ATP13A4: variants seen among roughly 807,000 people sequenced by gnomAD.
ATP13A4 encodes the protein ATPase 13A4, also known as probable cation-transporting ATPase 13A4.
In ATP13A4, 114 loss-of-function variants were observed where a neutral mutation model predicts 142.5. The ratio of observed to expected loss-of-function variants is 0.80; its 90% CI spans 0.69 to 0.93. The LOEUF is 0.93. ATP13A4 is among the 40% of genes least tolerant of loss of function. The pLI is 0.00. For missense variants in ATP13A4, 1,392 were observed against 1,454.0 expected (o/e 0.96, Z 0.69); for synonymous variants, 488 against 514.8 (o/e 0.95, Z 0.70).
At chr3:193,479,767 TC>T (rs1719184551) in intron 8 of ATP13A4, among the ~76,000 whole-genome samples, 1 of 151,860 alleles carries the variant, frequency 6.6e-6, no homozygotes, top group Non-Finnish European at 1.5e-5. Context: ...GAAAAAATAA[TC>T]CTAAAATTCA....
At chr3:193,559,952 T>A (rs962974472), upstream of ATP13A4, among the ~76,000 whole-genome samples, 2 of 152,192 alleles carry the variant, frequency 1.3e-5, no homozygotes, top group African/African-American at 2.4e-5. Flanking sequence ...GGCAGAAGCT[T>A]CATGTCAGTG....
At chr3:193,412,977 C>T (rs1297605030) in intron 26 of ATP13A4, among the ~76,000 whole-genome samples, 1 of 152,136 alleles carries the variant, frequency 6.6e-6, no homozygotes, top group Non-Finnish European at 1.5e-5. Flanking sequence ...GAGCCTAGAA[C>T]ACACCACTGC....
At chr3:193,552,951 T>C (rs924256813) in intron 1 of ATP13A4, among the ~76,000 whole-genome samples, 2 of 152,228 alleles carry the variant, frequency 1.3e-5, no homozygotes, top group African/African-American at 4.8e-5. Flanking sequence ...AGCTTGATAA[T>C]TTTTAAAGTT....
At chr3:193,562,166 G>A (rs146677655) in intron 2 of ATP13A4, among the ~76,000 whole-genome samples, 153 of 152,188 alleles carry the variant, frequency 1.0e-3, no homozygotes, top group African/African-American at 3.2e-3. Flanking sequence ...CTCTGGTCCC[G>A]GAGAGCTACC....
chr3:193,494,851 C>A (rs1189828387), intron 3 of ATP13A4, among the ~76,000 whole-genome samples: 1 of 151,284 alleles, frequency 6.6e-6, no homozygotes, highest in Non-Finnish European at 1.5e-5. Context: ...ACAAAATTAA[C>A]AAATGTTTAG....
intron 2 of ATP13A4, among the ~76,000 whole-genome samples, chr3:193,581,331 C>G (rs1358281496): frequency 3.3e-5 from 5 of 151,988 alleles, no homozygotes; most frequent in African/African-American, 1.2e-4. Flanking sequence ...ATTAGACAAT[C>G]AACGAAAAAC....
At chr3:193,541,234 G>A (rs1275538402) in intron 1 of ATP13A4, among the ~76,000 whole-genome samples, 1 of 101,338 alleles carries the variant, frequency 9.9e-6, no homozygotes, top group Non-Finnish European at 2.3e-5. Flanking sequence ...GGGCGACAGA[G>A]CGAGACTCCT....
intron 25 of ATP13A4, among the ~76,000 whole-genome samples, chr3:193,422,511 C>A (rs1415759186): frequency 6.7e-6 from 1 of 149,628 alleles, no homozygotes; most frequent in Non-Finnish European, 1.5e-5. Context: ...TTTTAAAAAT[C>A]AATTATCATA....
At chr3:193,402,962 T>G in intron 29 of ATP13A4, 98 bp from the exon 30 acceptor site, 7 of 1,084,686 alleles carry the variant, frequency 6.5e-6, no homozygotes, top group Non-Finnish European at 4.1e-6. Flanking sequence ...CAATGGTTGC[T>G]TAGATCCAGC....
At position 193,467,351 on chromosome 3, in the gene ATP13A4, C is replaced by A. The variant is rs756116740; in HGVS notation, c.1079G>T (p.Cys360Phe). The change falls in exon 10 of 30, where the codon TGC becomes TTC. Residue 360 changes from cysteine to phenylalanine, a missense_variant. Physicochemically the swap from Cys to Phe is radical, Grantham distance 205. Coordinates refer to ENST00000342695, the MANE Select transcript of ATP13A4 (RefSeq NM_032279.4). ...GTEVIQAKAA[C>F]SGTVRAVVLQ... ...TACCACGGCTCTCACGGTCCCAGAGCAAGCTGCCTTGGCCTGGATAACCTC... is the reference window on the plus strand; with the variant it reads ...TACCACGGCTCTCACGGTCCCAGAGAAAGCTGCCTTGGCCTGGATAACCTC... 6.2e-6 allele frequency: 10 copies of A among 1,614,184 alleles called. No homozygotes were observed. The South Asian group carries it at 9.9e-5, about 16-fold the overall frequency.
At chr3:193,567,444 G>T (rs1181901635) in intron 2 of ATP13A4, among the ~76,000 whole-genome samples, 3 of 152,114 alleles carry the variant, frequency 2.0e-5, no homozygotes, top group African/African-American at 7.2e-5. Flanking sequence ...GTTAAGTTCT[G>T]CTTAATTTCT....
intron 1 of ATP13A4, among the ~76,000 whole-genome samples, chr3:193,590,779 T>G (rs1477959660): frequency 6.6e-6 from 1 of 152,236 alleles, no homozygotes; most frequent in African/African-American, 2.4e-5. Context: ...AGTTTCAATA[T>G]AAGTAGTGGT....
chr3:193,561,199 A>T (rs1724009879), intron 2 of ATP13A4, among the ~76,000 whole-genome samples: 1 of 152,248 alleles, frequency 6.6e-6, no homozygotes, highest in South Asian at 2.1e-4. Flanking sequence ...GGGCAGACTA[A>T]CCAAGAGTGT....
In ATP13A4 at chr3:193,402,325, A is replaced by T. The variant is rs1347661604; in HGVS notation, c.*327T>A. ...CCCTCAACTCATTTTTATAAAAAGG[A>T]AAGTATTGTCCTGTCCTAAGAGGAA... On this transcript the variant is annotated 3_prime_UTR_variant, in exon 30 of 30. Coordinates refer to ENST00000342695, the MANE Select transcript of ATP13A4 (RefSeq NM_032279.4). 1 of 287,888 alleles carries T rather than the reference A, an allele frequency of 3.5e-6. No homozygotes were observed. Among genetic ancestry groups the T allele is most frequent in the Admixed American group, 4.9e-5 (1 of 20,396 alleles). 17.8% of individuals were successfully genotyped at this position (287,888 alleles called of 1,614,324 possible).
intron 7 of ATP13A4, 88 bp from the exon 8 acceptor site, chr3:193,484,093 A>G: frequency 1.2e-5 from 13 of 1,120,866 alleles, no homozygotes; most frequent in Non-Finnish European, 1.6e-5. Flanking sequence ...TTAAAGATAG[A>G]GCACTGTCTT....
intron 10 of ATP13A4, 96 bp downstream of exon 10, chr3:193,467,220 G>C (rs1273613234): frequency 7.8e-7 from 1 of 1,282,422 alleles, no homozygotes; most frequent in African/African-American, 1.5e-5. Context: ...TGATTATAAA[G>C]AAAAAACAGC....
At chr3:193,411,124 C>T (rs1560168978) in intron 27 of ATP13A4, 54 bp from the exon 28 acceptor site, 1 of 1,179,936 alleles carries the variant, frequency 8.5e-7, no homozygotes, top group East Asian at 2.3e-5. Flanking sequence ...TGAAAAATGT[C>T]ACATATATTG....
In ATP13A4 at chr3:193,412,238, T is replaced by G; in HGVS notation, c.3148A>C (p.Ile1050Leu). 1.9e-6 allele frequency: 3 copies of G among 1,613,522 alleles called. No individual in the cohort carries two copies. Among genetic ancestry groups the G allele is most frequent in the Non-Finnish European group, 2.5e-6 (3 of 1,179,422 alleles). The change falls in exon 27 of 30, where the codon ATC (isoleucine) becomes CTC (leucine). Residue 1050 changes from isoleucine to leucine, a missense_variant. Physicochemically the swap from Ile to Leu is conservative, Grantham distance 5. Transcript: ENST00000342695. The part of the protein sequence containing the change: ...TVWFLGTINC[I>L]TVALVFSKGK... ...TTAGAGAACACAAGAGCCACAGTGA[T>G]ACAGTTGATTGTTCCCAAGAACCAG...
chr3:193,512,873 TG>T (rs1483937022), intron 2 of ATP13A4, among the ~76,000 whole-genome samples: 1 of 152,148 alleles, frequency 6.6e-6, no homozygotes, highest in Admixed American at 6.5e-5. Flanking sequence ...AAGTCTTATG[TG>T]GGGTGCCGGG....
Sources: allele counts gnomAD v4.1 joint callset (sites outside exome capture counted in the v4.1 genomes callset), GRCh38; gene constraint gnomAD v4.1.1; transcripts MANE v1.5; gene names NCBI Gene and HGNC (gene_info 2026-07-23, HGNC 2026-07-21).